CELF2: variants seen among roughly 807,000 people sequenced by gnomAD.
CELF2 encodes CUGBP Elav-like family member 2, also known as CUG triplet repeat RNA-binding protein 2.
Under a neutral mutation model 62.6 loss-of-function variants are expected in CELF2, and 8 were observed. That is an observed-to-expected ratio of 0.13 (90% confidence interval 0.07 to 0.23). The LOEUF (loss-of-function observed/expected upper bound fraction) is 0.23, where lower values mean the gene tolerates loss of function less well. Among genes scored for constraint, CELF2 ranks in the 10% least tolerant of loss-of-function variants. The pLI is 1.00. For missense variants in CELF2, 333 were observed against 671.0 expected (o/e 0.50, Z 5.56); for synonymous variants, 258 against 250.0 (o/e 1.03, Z -0.30).
chr10:10,768,162 T>C, the CELF2 span, among the ~76,000 whole-genome samples: 1 of 139,888 alleles, frequency 7.1e-6, no homozygotes, highest in Non-Finnish European at 1.5e-5. Context: ...CAAGACTCCG[T>C]CTCAAAAAAA....
chr10:11,119,864 T>TCTCCCCCCCCCCCCCC (rs1399108400), intron 1 of CELF2, among the ~76,000 whole-genome samples: 22 of 112,146 alleles, frequency 2.0e-4, no homozygotes, highest in African/African-American at 4.0e-4. Context: ...TGATTCCGCC[T>TCTCCCCCCCCCCCCCC]CCCCCCCCCC....
chr10:10,526,091 C>T, the CELF2 span, among the ~76,000 whole-genome samples: 1 of 152,156 alleles, frequency 6.6e-6, no homozygotes, highest in African/African-American at 2.4e-5. Flanking sequence ...TGTTTTTTCA[C>T]ATATAGATGT....
chr10:10,682,374 T>A, the CELF2 span, among the ~76,000 whole-genome samples: 1 of 152,238 alleles, frequency 6.6e-6, no homozygotes, highest in Admixed American at 6.5e-5. Context: ...GAACAATTTT[T>A]TGAAAAATTA....
intron 3 of CELF2, among the ~76,000 whole-genome samples, chr10:11,234,969 A>G (rs2070581251): frequency 1.3e-5 from 2 of 152,174 alleles, no homozygotes; most frequent in Admixed American, 6.5e-5. Flanking sequence ...AGTCCTCACA[A>G]TGATGCAGTG....
the CELF2 span, among the ~76,000 whole-genome samples, chr10:10,647,874 A>G: frequency 1.3e-5 from 2 of 152,184 alleles, no homozygotes; most frequent in African/African-American, 2.4e-5. Context: ...TTGCCATTTA[A>G]CTGAATCCTG....
intron 5 of CELF2, among the ~76,000 whole-genome samples, chr10:11,265,419 G>A (rs2081937830): frequency 6.6e-6 from 1 of 152,176 alleles, no homozygotes; most frequent in Admixed American, 6.5e-5. Context: ...TGATACCTAA[G>A]TTCAAACTGT....
intron 2 of CELF2, among the ~76,000 whole-genome samples, chr10:11,187,941 C>T (rs74115756): frequency 6.6e-6 from 1 of 152,146 alleles, no homozygotes; most frequent in South Asian, 2.1e-4. Flanking sequence ...TGCTCCGTTC[C>T]TTTGTGTAGA....
At chr10:11,204,561 G>A (rs1051938597) in intron 2 of CELF2, among the ~76,000 whole-genome samples, 1 of 152,248 alleles carries the variant, frequency 6.6e-6, no homozygotes, top group African/African-American at 2.4e-5. Flanking sequence ...CCGGTGGGGG[G>A]ACCCAGGAAG....
At chr10:11,162,970 C>T (rs1461786482) in intron 1 of CELF2, among the ~76,000 whole-genome samples, 1 of 152,162 alleles carries the variant, frequency 6.6e-6, no homozygotes. Flanking sequence ...ACCACACTGC[C>T]TCTAGATGAG....
intron 8 of CELF2, among the ~76,000 whole-genome samples, chr10:11,276,963 C>A (rs551781389): frequency 6.6e-6 from 1 of 152,320 alleles, no homozygotes; most frequent in African/African-American, 2.4e-5. Context: ...CCCAAATTAT[C>A]CATTTCTTGA....
Position 11,160,344 on chromosome 10 carries a change from T to C in CELF2, c.75-5142T>C, listed in dbSNP as rs184474171. ...CCTCCTGGCCCACTGTTCACTGACC[T>C]GCTGTTGAGGGCCTCAAGCACTGAT... On this transcript the variant is annotated intron_variant, in intron 1 of 12. Coordinates refer to ENST00000633077, the MANE Select transcript of CELF2 (RefSeq NM_001326342.2). Among the ~76,000 whole-genome samples, 375 of 152,336 alleles carry C rather than the reference T, an allele frequency of 2.5e-3. 2 individuals carry two copies. Among genetic ancestry groups the C allele is most frequent in the Non-Finnish European group, 4.4e-3 (298 of 68,012 alleles).
At chr10:10,647,325 G>A in the CELF2 span, among the ~76,000 whole-genome samples, 10 of 152,106 alleles carry the variant, frequency 6.6e-5, no homozygotes, top group South Asian at 2.1e-4. Context: ...CCCACTGCCC[G>A]CCCGCTCCAC....
the CELF2 span, among the ~76,000 whole-genome samples, chr10:10,462,693 C>T: frequency 1.5e-5 from 2 of 132,134 alleles, no homozygotes; most frequent in Non-Finnish European, 3.1e-5. Context: ...CAGTCATAAG[C>T]GTGGCTTCCC....
At chr10:11,283,981 AGT>A (rs1352621020) in intron 8 of CELF2, among the ~76,000 whole-genome samples, 8 of 128,034 alleles carry the variant, frequency 6.2e-5, no homozygotes, top group South Asian at 2.7e-4. Context: ...ATGACGGATG[AGT>A]GTGTGGTGAG....
At chr10:11,209,903 G>T (rs2061390951) in intron 2 of CELF2, among the ~76,000 whole-genome samples, 1 of 152,214 alleles carries the variant, frequency 6.6e-6, no homozygotes, top group Non-Finnish European at 1.5e-5. Context: ...TGGCTTGCAT[G>T]CTACTGACTT....
At chr10:10,912,327 C>T (rs2063884358) in intron 1 of CELF2, among the ~76,000 whole-genome samples, 1 of 152,098 alleles carries the variant, frequency 6.6e-6, no homozygotes, top group South Asian at 2.1e-4. Flanking sequence ...AATCAATATT[C>T]ATTTGCTTGT....
chr10:11,225,642 G>A (rs1469236535), intron 3 of CELF2, among the ~76,000 whole-genome samples: 6 of 152,098 alleles, frequency 3.9e-5, no homozygotes, highest in Admixed American at 2.0e-4. Context: ...TTTTTCCACC[G>A]GGAAATGGAG....
chr10:11,264,737 T>G (rs3847421), intron 5 of CELF2, among the ~76,000 whole-genome samples: 417 of 152,334 alleles, frequency 2.7e-3, no homozygotes, highest in African/African-American at 9.5e-3. Flanking sequence ...ATCATCTAGC[T>G]GCCTCAGAGA....
intron 1 of CELF2, among the ~76,000 whole-genome samples, chr10:10,872,787 CCT>C (rs1435350896): frequency 1.3e-5 from 2 of 152,130 alleles, no homozygotes; most frequent in Non-Finnish European, 2.9e-5. Context: ...TCTGGTGAAA[CCT>C]CTTGCCATAG....
Sources: gnomAD v4.1 joint callset for allele counts (sites outside exome capture counted in the v4.1 genomes callset) on GRCh38, gnomAD v4.1.1 for gene constraint, MANE v1.5 for transcripts, NCBI Gene and HGNC (gene_info 2026-07-23, HGNC 2026-07-21) for gene names.